The following TMEM132D variants were observed in gnomAD, a reference collection of about 807,000 sequenced individuals.
The protein encoded by TMEM132D is transmembrane protein 132D.
TMEM132D carries 21 observed loss-of-function variants against 62.3 expected under a neutral mutation model. That is an observed-to-expected ratio of 0.34 (90% CI 0.24 to 0.49). The LOEUF is 0.49. TMEM132D is among the 20% of genes least tolerant of loss of function. The pLI is 0.99. For synonymous variants in TMEM132D, 621 were observed against 575.6 expected, an observed-to-expected ratio of 1.08 and a Z score of -1.13; for missense variants, 1,346 against 1,402.8, an observed-to-expected ratio of 0.96 and a Z score of 0.65.
At chr12:129,089,034 C>T (rs1232158880) in intron 5 of TMEM132D, among the ~76,000 whole-genome samples, 1 of 41,394 alleles carries the variant, frequency 2.4e-5, no homozygotes, top group Admixed American at 2.5e-4. Context: ...GGGTGTCCTC[C>T]CTGACCGGGA....
chr12:129,203,359 T>C (rs1446475273), intron 5 of TMEM132D, among the ~76,000 whole-genome samples: 4 of 152,202 alleles, frequency 2.6e-5, no homozygotes, highest in Non-Finnish European at 1.5e-5. Context: ...TCTGTTAAAT[T>C]TAATTTGTTT....
chr12:129,366,588 C>T (rs1324227800), intron 3 of TMEM132D, among the ~76,000 whole-genome samples: 1 of 152,182 alleles, frequency 6.6e-6, no homozygotes, highest in African/African-American at 2.4e-5. Flanking sequence ...AGTTTCAGGT[C>T]TTTCTTTATA....
At chr12:129,869,064 GTTT>G (rs11308735) in intron 1 of TMEM132D, among the ~76,000 whole-genome samples, 64 of 147,410 alleles carry the variant, frequency 4.3e-4, no homozygotes, top group African/African-American at 1.6e-3. Flanking sequence ...TTTGCTTTGT[GTTT>G]TTTTTTTTTT....
At chr12:129,166,245 G>C (rs1282996944) in intron 5 of TMEM132D, among the ~76,000 whole-genome samples, 3 of 151,784 alleles carry the variant, frequency 2.0e-5, no homozygotes, top group Non-Finnish European at 4.4e-5. Flanking sequence ...ACTCTCATTC[G>C]ACTGAGTGTT....
At chr12:129,318,990 G>T (rs533726438) in intron 4 of TMEM132D, among the ~76,000 whole-genome samples, 1 of 152,118 alleles carries the variant, frequency 6.6e-6, no homozygotes, top group East Asian at 1.9e-4. Flanking sequence ...GCAACAGTCT[G>T]TCTCCAGGCG....
intron 5 of TMEM132D, among the ~76,000 whole-genome samples, chr12:129,143,543 G>C (rs893302005): frequency 1.3e-5 from 2 of 152,124 alleles, no homozygotes; most frequent in Non-Finnish European, 2.9e-5. Context: ...CCTCTGGCTG[G>C]TGAAAAATCG....
chr12:129,600,830 T>C (rs1878464723), intron 2 of TMEM132D, among the ~76,000 whole-genome samples: 1 of 152,176 alleles, frequency 6.6e-6, no homozygotes, highest in African/African-American at 2.4e-5. Flanking sequence ...CCAGGCTTTG[T>C]TGTTCCATTT....
chr12:129,211,260 G>A (rs745714818), intron 4 of TMEM132D, among the ~76,000 whole-genome samples: 7 of 152,118 alleles, frequency 4.6e-5, no homozygotes, highest in African/African-American at 4.8e-5. Context: ...AACTATGAAC[G>A]TATCTGTCTT....
chr12:129,287,371 C>A (rs1208765593), intron 4 of TMEM132D, among the ~76,000 whole-genome samples: 1 of 152,126 alleles, frequency 6.6e-6, no homozygotes, highest in Admixed American at 6.5e-5. Context: ...TACAAAATCA[C>A]CACTTGGCAA....
intron 5 of TMEM132D, among the ~76,000 whole-genome samples, chr12:129,129,745 T>C (rs1057438690): frequency 6.6e-6 from 1 of 152,154 alleles, no homozygotes; most frequent in Non-Finnish European, 1.5e-5. Flanking sequence ...TGATGAGCTA[T>C]GTGGGGCATC....
At chr12:129,588,712 C>A (rs1026064219) in intron 2 of TMEM132D, among the ~76,000 whole-genome samples, 57 of 145,940 alleles carry the variant, frequency 3.9e-4, no homozygotes, top group Non-Finnish European at 7.2e-4. Context: ...GTAGCTGGGA[C>A]TACAGGCACC....
chr12:129,766,842 G>T (rs1180961003), intron 1 of TMEM132D, among the ~76,000 whole-genome samples: 1 of 152,164 alleles, frequency 6.6e-6, no homozygotes. Context: ...TGAAAGAGGT[G>T]CAGGAAGCCC....
chr12:129,865,030 T>G (rs1004148218), intron 1 of TMEM132D, among the ~76,000 whole-genome samples: 9 of 152,130 alleles, frequency 5.9e-5, no homozygotes, highest in Non-Finnish European at 8.8e-5. Context: ...ATGTCAGAAC[T>G]TATTTTCCAG....
chr12:129,445,267 A>G (rs1446295545), intron 3 of TMEM132D, among the ~76,000 whole-genome samples: 1 of 152,166 alleles, frequency 6.6e-6, no homozygotes, highest in African/African-American at 2.4e-5. Flanking sequence ...TGATGAGAAC[A>G]CATGGACACA....
chr12:129,302,790 G>A (rs542029128), intron 4 of TMEM132D, among the ~76,000 whole-genome samples: 31 of 152,210 alleles, frequency 2.0e-4, no homozygotes, highest in Non-Finnish European at 4.1e-4. Flanking sequence ...TGCACACAGC[G>A]AAGCTCGAGC....
intron 3 of TMEM132D, among the ~76,000 whole-genome samples, chr12:129,506,929 G>A (rs1342198304): frequency 6.6e-6 from 1 of 151,220 alleles, no homozygotes; most frequent in Non-Finnish European, 1.5e-5. Flanking sequence ...ACAACCCAGA[G>A]TGGGAGATAA....
At chr12:129,575,056 T>G (rs1316664861) in intron 2 of TMEM132D, among the ~76,000 whole-genome samples, 2 of 151,404 alleles carry the variant, frequency 1.3e-5, no homozygotes, top group Non-Finnish European at 2.9e-5. Context: ...ACATATGGAG[T>G]CTAAGAAGAC....
chr12:129,897,010 G>T (rs963175326), intron 1 of TMEM132D, among the ~76,000 whole-genome samples: 1 of 152,168 alleles, frequency 6.6e-6, no homozygotes, highest in African/African-American at 2.4e-5. Context: ...TATGGAGGGG[G>T]TGCACCTTGG....
chr12:129,164,317 T>C (rs1877479773), intron 5 of TMEM132D, among the ~76,000 whole-genome samples: 2 of 152,202 alleles, frequency 1.3e-5, no homozygotes, highest in Admixed American at 6.5e-5. Flanking sequence ...CGGCCTGGTA[T>C]GATTAAAACA....
Sources: gnomAD v4.1 joint callset for allele counts (sites outside exome capture counted in the v4.1 genomes callset) on GRCh38, gnomAD v4.1.1 for gene constraint, MANE v1.5 for transcripts, NCBI Gene and HGNC (gene_info 2026-07-23, HGNC 2026-07-21) for gene names.